Variants in PARP8 observed in about 807,000 individuals in gnomAD.
PARP8 encodes the protein poly(ADP-ribose) polymerase family member 8.
A neutral mutation model predicts 124.1 loss-of-function variants in PARP8; 51 were observed. That is an observed-to-expected ratio of 0.41 (90% CI 0.33 to 0.52). The LOEUF (loss-of-function observed/expected upper bound fraction) is 0.52. PARP8 is among the 20% of genes least tolerant of loss of function. The pLI is 0.21. For synonymous variants in PARP8, 391 were observed against 361.5 expected (o/e 1.08, Z -0.93); for missense variants, 860 against 1,018.9 (o/e 0.84, Z 2.12).
Position 50,667,064 on chromosome 5 carries a change from T to C in PARP8, c.-32T>C, listed in dbSNP as rs1257333813. On this transcript the variant is annotated 5_prime_UTR_variant, in exon 1 of 26. Transcript: ENST00000281631. ...CGAGGGGGGTGGGGTGGGGTGGAAA[T>C]AGCGGCTGCTTCTTTTCCAGGGATT... 1.4e-5 allele frequency: 22 copies of C among 1,595,486 alleles called. No homozygotes were observed. The highest frequency in any genetic ancestry group is 1.7e-5 in the Admixed American group (1 of 59,920).
intron 2 of PARP8, among the ~76,000 whole-genome samples, chr5:50,748,074 T>C (rs1300882608): frequency 6.6e-6 from 1 of 152,178 alleles, no homozygotes; most frequent in Non-Finnish European, 1.5e-5. Context: ...TATTTACTTT[T>C]TGTTTTCTAT....
intron 14 of PARP8, among the ~76,000 whole-genome samples, chr5:50,808,900 A>G (rs1351945895): frequency 6.6e-6 from 1 of 152,020 alleles, no homozygotes; most frequent in East Asian, 1.9e-4. Context: ...TGAAGAATGG[A>G]TGAAAAAGCA....
intron 22 of PARP8, 96 bp from the exon 23 acceptor site, chr5:50,832,685 T>C: frequency 1.6e-6 from 2 of 1,241,344 alleles, no homozygotes; most frequent in Non-Finnish European, 2.3e-6. Flanking sequence ...TGATCAAACC[T>C]TTACCTAGAA....
chr5:50,763,313 T>A (rs1034883475), intron 7 of PARP8, 71 bp downstream of exon 7: 3 of 1,243,818 alleles, frequency 2.4e-6, no homozygotes, highest in Admixed American at 1.9e-5. Flanking sequence ...TTTGGAGTAA[T>A]TTAAAGGAAA....
At chr5:50,790,231 A>C (rs556031752) in intron 10 of PARP8, among the ~76,000 whole-genome samples, 3 of 152,324 alleles carry the variant, frequency 2.0e-5, no homozygotes, top group African/African-American at 7.2e-5. Flanking sequence ...TGTGTTTAGC[A>C]TATTATATAA....
At chr5:50,758,863 G>T (rs1760242030) in intron 3 of PARP8, among the ~76,000 whole-genome samples, 1 of 151,464 alleles carries the variant, frequency 6.6e-6, no homozygotes, top group Non-Finnish European at 1.5e-5. Context: ...TTTTAAAGAG[G>T]AAACAAATAG....
At chr5:50,755,021 T>G (rs1202489794) in intron 3 of PARP8, among the ~76,000 whole-genome samples, 1 of 152,176 alleles carries the variant, frequency 6.6e-6, no homozygotes, top group African/African-American at 2.4e-5. Flanking sequence ...GCCCACTTTT[T>G]GATGGGGTTG....
At chr5:50,810,112 A>G (rs1580417442) in intron 14 of PARP8, among the ~76,000 whole-genome samples, 1 of 152,012 alleles carries the variant, frequency 6.6e-6, no homozygotes, top group African/African-American at 2.4e-5. Flanking sequence ...TTAGGGACAT[A>G]TATAAATACA....
intron 9 of PARP8, among the ~76,000 whole-genome samples, chr5:50,787,452 G>A (rs959674211): frequency 1.3e-5 from 2 of 152,066 alleles, no homozygotes; most frequent in African/African-American, 4.8e-5. Context: ...TTTTTTTCCT[G>A]CTTGTTCTTA....
At chr5:50,821,441 T>A in intron 16 of PARP8, 103 bp downstream of exon 16, 2 of 1,290,112 alleles carry the variant, frequency 1.6e-6, no homozygotes, top group East Asian at 2.3e-5. Flanking sequence ...TCTAAATCTC[T>A]ATCTCATCAA....
chr5:50,823,137 G>T (rs1366621541), intron 17 of PARP8, among the ~76,000 whole-genome samples: 1 of 152,182 alleles, frequency 6.6e-6, no homozygotes, highest in Admixed American at 6.5e-5. Context: ...AGAGACCCTT[G>T]CAGGCTTATA....
chr5:50,666,212 G>A (rs1749264914), upstream of PARP8: 2 of 152,168 alleles, frequency 1.3e-5, no homozygotes. Context: ...TAATTTTAAG[G>A]CCTTTTCCGT....
At chr5:50,730,826 A>AG (rs762056639) in intron 2 of PARP8, among the ~76,000 whole-genome samples, 6 of 152,200 alleles carry the variant, frequency 3.9e-5, no homozygotes, top group African/African-American at 7.2e-5. Context: ...TAATGATCAA[A>AG]GGTGAGGGTT....
chr5:50,814,535 A>G (rs1250143794), intron 14 of PARP8, among the ~76,000 whole-genome samples: 1 of 152,100 alleles, frequency 6.6e-6, no homozygotes, highest in Non-Finnish European at 1.5e-5. Flanking sequence ...TTTTGGAGCA[A>G]AGTCAACCAG....
rs564915436 is a variant in PARP8, at chr5:50,685,143, C to T, written c.146+17018C>T. On this transcript the variant is annotated intron_variant, in intron 2 of 25. Transcript: ENST00000281631. ...CCAGGATTTCTGGAATGCCAGGGCA[C>T]TGTCCCCATGCATGGAAAACTGCAC... 8.5e-5 allele frequency among the ~76,000 whole-genome samples: 13 copies of T among 152,332 alleles called. No individual in the cohort carries two copies. The East Asian group carries it at 2.5e-3, about 29-fold the overall frequency.
chr5:50,751,142 C>A (rs1228155061), intron 3 of PARP8, among the ~76,000 whole-genome samples: 1 of 151,900 alleles, frequency 6.6e-6, no homozygotes, highest in Non-Finnish European at 1.5e-5. Flanking sequence ...AAATTAAAGC[C>A]CAGGTTGAAG....
chr5:50,818,698 T>G (rs1745404754), intron 15 of PARP8, among the ~76,000 whole-genome samples: 1 of 151,402 alleles, frequency 6.6e-6, no homozygotes, highest in Non-Finnish European at 1.5e-5. Context: ...TTAAAGTGGA[T>G]GTTTTAGTCC....
In PARP8 at chr5:50,749,896, A is replaced by G. The variant is rs533401610; in HGVS notation, c.147-255A>G. The stretch of plus-strand genomic sequence containing the variant: ...AAAAGACCTGTCTATACTAAAAGAA[A>G]TATCCCTGTTGGGAGAAAGATATTT... On this transcript the variant is annotated intron_variant, in intron 2 of 25. Transcript: ENST00000281631. Among the ~76,000 whole-genome samples, 4 of 152,300 alleles carry G rather than the reference A, an allele frequency of 2.6e-5. No homozygotes were observed. The East Asian group carries it at 7.7e-4, about 29-fold the overall frequency.
intron 2 of PARP8, among the ~76,000 whole-genome samples, chr5:50,706,095 A>G (rs563325982): frequency 1.3e-5 from 2 of 152,294 alleles, no homozygotes; most frequent in East Asian, 1.9e-4. Context: ...TACTCGAGGT[A>G]GAAAGGTACT....
Sources: allele counts gnomAD v4.1 joint callset (sites outside exome capture counted in the v4.1 genomes callset), GRCh38; gene constraint gnomAD v4.1.1; transcripts MANE v1.5; gene names NCBI Gene and HGNC (gene_info 2026-07-23, HGNC 2026-07-21).